EPHB2: variants seen among roughly 807,000 people sequenced by gnomAD.
EPHB2 encodes ephrin type-B receptor 2.
A neutral mutation model predicts 96.4 loss-of-function variants in EPHB2; 18 were observed. The observed-to-expected ratio is 0.19, with a 90% CI of 0.13 to 0.28. EPHB2 has a LOEUF of 0.28. EPHB2 is among the 10% of genes least tolerant of loss of function. The pLI, the probability that EPHB2 is intolerant of heterozygous loss-of-function variation, is 1.00. For synonymous variants in EPHB2, 506 were observed against 534.1 expected (o/e 0.95, Z 0.72); for missense variants, 989 against 1,355.4 (o/e 0.73, Z 4.25).
chr1:22,793,410 G>C (rs184593080), intron 3 of EPHB2, among the ~76,000 whole-genome samples: 65 of 152,246 alleles, frequency 4.3e-4, no homozygotes, highest in Admixed American at 2.6e-3. Flanking sequence ...AGCCAAGAAG[G>C]CTTCCTGGAG....
Position 22,861,467 on chromosome 1 carries a change from C to G in EPHB2, c.812-1570C>G, listed in dbSNP as rs1476704337. Reference sequence around the variant, plus strand: ...AGCCTGAGCAACATAGTGAGACCCCCCATCTCTACAAAAATAAAAATAAAA... The same window carrying G: ...AGCCTGAGCAACATAGTGAGACCCCGCATCTCTACAAAAATAAAAATAAAA... On this transcript the variant is annotated intron_variant, in intron 3 of 15. Transcript: ENST00000374630. 3.3e-5 allele frequency among the ~76,000 whole-genome samples: 5 copies of G among 152,182 alleles called. No homozygotes were observed. The East Asian group carries it at 9.7e-4, about 29-fold the overall frequency.
intron 1 of EPHB2, among the ~76,000 whole-genome samples, chr1:22,745,573 G>C (rs536168643): frequency 6.6e-6 from 1 of 152,248 alleles, no homozygotes; most frequent in East Asian, 1.9e-4. Flanking sequence ...GCTATACCTC[G>C]ATTAAAAAAA....
chr1:22,723,762 C>T lies in EPHB2; in HGVS notation c.61+12719C>T, dbSNP rs77311440. On this transcript the variant is annotated intron_variant, in intron 1 of 15. Transcript: ENST00000374630. The stretch of plus-strand genomic sequence containing the variant: ...AAAGTGAGGATACTGTCACCTACCC[C>T]ATGGTGTTGTTTGAGGAATTAAAAG... Among the ~76,000 whole-genome samples the T allele has an allele frequency of 3.7e-3, 570 of 152,346 alleles. 17 individuals carry two copies. The East Asian group carries it at 0.064, about 17-fold the overall frequency.
intron 1 of EPHB2, among the ~76,000 whole-genome samples, chr1:22,712,038 T>C (rs1643163801): frequency 6.6e-6 from 1 of 152,212 alleles, no homozygotes; most frequent in Non-Finnish European, 1.5e-5. Context: ...TTCAAACCAC[T>C]TTACAGTTTA....
chr1:22,907,312 C>G (rs1267061808), intron 11 of EPHB2, among the ~76,000 whole-genome samples: 1 of 152,162 alleles, frequency 6.6e-6, no homozygotes, highest in African/African-American at 2.4e-5. Context: ...TAGGATTTGC[C>G]CAGAGTCACC....
chr1:22,764,831 T>C (rs973360652), intron 1 of EPHB2, among the ~76,000 whole-genome samples: 2 of 152,164 alleles, frequency 1.3e-5, no homozygotes, highest in African/African-American at 4.8e-5. Context: ...TGTTTGGACC[T>C]AACACCTGGG....
intron 5 of EPHB2, among the ~76,000 whole-genome samples, chr1:22,872,566 T>G (rs1303217663): frequency 6.6e-6 from 1 of 152,172 alleles, no homozygotes; most frequent in African/African-American, 2.4e-5. Flanking sequence ...GTAGAGGCCT[T>G]GGAGTTCACC....
intron 3 of EPHB2, chr1:22,836,878 T>A (rs1645393606): frequency 6.6e-6 from 1 of 152,244 alleles, no homozygotes; most frequent in Admixed American, 6.5e-5. Context: ...AGACAGAGCT[T>A]TCTTTAAAGA....
In EPHB2 at chr1:22,916,353, C is replaced by T. The variant is rs906311168; in HGVS notation, c.*2783C>T. 6.6e-6 allele frequency: 1 copy of T among 152,330 alleles called. No individual in the cohort carries two copies. Among genetic ancestry groups the T allele is most frequent in the Non-Finnish European group, 1.5e-5 (1 of 68,140 alleles). The allele number at this position is 152,330 out of a possible 1,614,324, so 9.4% of individuals were successfully genotyped here. On this transcript the variant is annotated 3_prime_UTR_variant, in exon 16 of 16. Coordinates refer to ENST00000374630, the MANE Select transcript of EPHB2 (RefSeq NM_017449.5). This position sits in a 1 kb window ranked among gnomAD's most constrained non-coding sequence, Gnocchi z 4.2. ...TGTCTGCCCCTCCACCCTCCAGGGC[C>T]GAGGTCCTCAGTGGCCATGGCCCCC...
At chr1:22,874,365 G>T (rs1638770602) in intron 5 of EPHB2, among the ~76,000 whole-genome samples, 1 of 152,182 alleles carries the variant, frequency 6.6e-6, no homozygotes, top group African/African-American at 2.4e-5. Context: ...CAGGTGCTGG[G>T]GTAGGACTGT....
chr1:22,903,414 AAG>A (rs1289376880), intron 9 of EPHB2, among the ~76,000 whole-genome samples: 1 of 152,202 alleles, frequency 6.6e-6, no homozygotes, highest in African/African-American at 2.4e-5. Flanking sequence ...CTGATGGGGA[AAG>A]AGGTGATCAT....
intron 1 of EPHB2, among the ~76,000 whole-genome samples, chr1:22,774,394 GTTAC>G (rs1247727102): frequency 2.0e-5 from 3 of 152,098 alleles, no homozygotes; most frequent in African/African-American, 7.2e-5. Context: ...CCATGACTTT[GTTAC>G]TTAACCCAGC....
intron 6 of EPHB2, among the ~76,000 whole-genome samples, chr1:22,886,241 G>C (rs1380966822): frequency 3.9e-5 from 6 of 152,202 alleles, no homozygotes; most frequent in Non-Finnish European, 7.3e-5. Flanking sequence ...CTAGGCATCA[G>C]GAATCGCAGG....
At chr1:22,795,195 G>A (rs1182610395) in intron 3 of EPHB2, among the ~76,000 whole-genome samples, 1 of 152,192 alleles carries the variant, frequency 6.6e-6, no homozygotes, top group African/African-American at 2.4e-5. Flanking sequence ...AGTTACCCAA[G>A]GCTGCATGGC....
At chr1:22,901,820 A>AGAGTGTGTGT (rs138572549) in intron 9 of EPHB2, among the ~76,000 whole-genome samples, 2 of 148,458 alleles carry the variant, frequency 1.3e-5, no homozygotes, top group Non-Finnish European at 1.5e-5. Flanking sequence ...TGTGTGTGTG[A>AGAGTGTGTGT]GTGTGTGTGT....
chr1:22,802,139 T>A (rs1162620661), intron 3 of EPHB2, among the ~76,000 whole-genome samples: 2 of 151,564 alleles, frequency 1.3e-5, no homozygotes, highest in Admixed American at 1.3e-4. Context: ...CAGTGTTGAA[T>A]CCAGCTTGGG....
Position 22,900,764 on chromosome 1 carries a change from G to A in EPHB2, c.1765+4286G>A, listed in dbSNP as rs1002374990. On this transcript the variant is annotated intron_variant, in intron 9 of 15. Transcript: ENST00000374630. ...CCCTCCCTGCATCCTAAGCTCTAAC[G>A]TTAGATCCAAGCAGAACTTTGTTCT... Among the ~76,000 whole-genome samples the A allele has an allele frequency of 7.2e-5, 11 of 152,308 alleles. No homozygotes were observed. In the South Asian group the frequency reaches 2.1e-3, roughly 29 times the overall value.
At chr1:22,723,287 C>G (rs1329988704) in intron 1 of EPHB2, among the ~76,000 whole-genome samples, 1 of 152,240 alleles carries the variant, frequency 6.6e-6, no homozygotes, top group African/African-American at 2.4e-5. Flanking sequence ...CGTCCAGAGC[C>G]CGCAGGGCCT....
At chr1:22,886,729 C>T (rs942186193) in intron 6 of EPHB2, among the ~76,000 whole-genome samples, 2 of 150,082 alleles carry the variant, frequency 1.3e-5, no homozygotes, top group African/African-American at 2.5e-5. Context: ...CGGATTCAAG[C>T]GATTCTCCTG....
Sources: allele counts gnomAD v4.1 joint callset (sites outside exome capture counted in the v4.1 genomes callset), GRCh38; gene constraint gnomAD v4.1.1; non-coding constraint Gnocchi (gnomAD v3.1); transcripts MANE v1.5; gene names NCBI Gene and HGNC (gene_info 2026-07-23, HGNC 2026-07-21).